Variants in RALGPS1 observed in about 807,000 individuals in gnomAD.
The protein encoded by RALGPS1 is ras-specific guanine nucleotide-releasing factor RalGPS1.
Under a neutral mutation model 78.8 loss-of-function variants are expected in RALGPS1, and 19 were observed. The observed-to-expected ratio is 0.24, with a 90% CI of 0.17 to 0.35. The LOEUF (loss-of-function observed/expected upper bound fraction) is 0.35, where lower values mean the gene tolerates loss of function less well. Ranked by LOEUF, RALGPS1 falls within the 10% of genes least tolerant of loss-of-function variation. The pLI, the probability that RALGPS1 is intolerant of heterozygous loss-of-function variation, is 1.00. For missense variants in RALGPS1, 454 were observed against 688.3 expected, an observed-to-expected ratio of 0.66 and a Z score of 3.81; for synonymous variants, 228 against 256.3, an observed-to-expected ratio of 0.89 and a Z score of 1.06.
At chr9:126,993,951 AC>A (rs371151443) in intron 4 of RALGPS1, among the ~76,000 whole-genome samples, 78 of 152,324 alleles carry the variant, frequency 5.1e-4, no homozygotes, top group Middle Eastern at 3.4e-3. Flanking sequence ...ACTCCGACAG[AC>A]CTGCAGCTGA....
intron 1 of RALGPS1, among the ~76,000 whole-genome samples, chr9:126,939,686 C>G (rs1404739070): frequency 6.6e-6 from 1 of 152,214 alleles, no homozygotes; most frequent in Non-Finnish European, 1.5e-5. Context: ...GTTGGACTTC[C>G]AAGTCCTGTC....
intron 8 of RALGPS1, among the ~76,000 whole-genome samples, chr9:127,094,269 A>G (rs2052849027): frequency 6.6e-6 from 1 of 152,116 alleles, no homozygotes; most frequent in African/African-American, 2.4e-5. Flanking sequence ...GATTACTGAG[A>G]TCATTTGGGG....
chr9:126,998,172 G>C (rs1019022880), intron 4 of RALGPS1, among the ~76,000 whole-genome samples: 3 of 152,124 alleles, frequency 2.0e-5, no homozygotes, highest in Non-Finnish European at 4.4e-5. Context: ...TGACAAATGG[G>C]ATCTAATTAA....
chr9:127,183,969 G>C lies in RALGPS1; in HGVS notation c.910+9187G>C, dbSNP rs1251335570. 6.5e-7 allele frequency: 1 copy of C among 1,550,300 alleles called. No individual in the cohort carries two copies. The highest frequency in any genetic ancestry group is 1.2e-5 in the South Asian group (1 of 84,040). Reference sequence around the variant, plus strand: ...GCCTGGATGTGGCCCAGCTCCTCACGAGTACCAGCGGCTCCCCCAGCATCT... The same window carrying C: ...GCCTGGATGTGGCCCAGCTCCTCACCAGTACCAGCGGCTCCCCCAGCATCT... On this transcript the variant is annotated intron_variant, in intron 11 of 18. Coordinates refer to ENST00000259351, the MANE Select transcript of RALGPS1 (RefSeq NM_014636.3). The surrounding 1 kb of genome is among the most constrained non-coding windows in gnomAD (Gnocchi z 4.0).
intron 8 of RALGPS1, among the ~76,000 whole-genome samples, chr9:127,149,521 T>C (rs1275371332): frequency 6.6e-6 from 1 of 152,032 alleles, no homozygotes; most frequent in Non-Finnish European, 1.5e-5. Flanking sequence ...CTAAGTCCTG[T>C]TCTGGTCTGG....
intron 8 of RALGPS1, among the ~76,000 whole-genome samples, chr9:127,086,893 G>A (rs2051816215): frequency 6.6e-6 from 1 of 152,202 alleles, no homozygotes; most frequent in Non-Finnish European, 1.5e-5. Flanking sequence ...AGTAGTTGAA[G>A]GGAGAGGAGA....
rs1389750323 is a variant in RALGPS1, at chr9:126,977,727, T to C, written c.198T>C (p.Phe66=). The change falls in exon 4 of 19, where the codon TTT becomes TTC. Residue 66 remains phenylalanine (F), a synonymous_variant. Coordinates refer to ENST00000259351, the MANE Select transcript of RALGPS1 (RefSeq NM_014636.3). ...SQITLMDIPV[F]KAIQPEELAS... The stretch of plus-strand genomic sequence containing the variant: ...TTACATTAATGGATATACCTGTGTT[T>C]AAAGCTATCCAGCCGGAGGTCTGTA... 2.5e-6 allele frequency: 4 copies of C among 1,603,690 alleles called. No homozygotes were observed. The South Asian group carries it at 4.5e-5, about 18-fold the overall frequency.
chr9:127,175,119 G>A (rs891595537), intron 11 of RALGPS1, among the ~76,000 whole-genome samples: 27 of 152,324 alleles, frequency 1.8e-4, no homozygotes, highest in Middle Eastern at 3.4e-3. Context: ...GACCCTTAGC[G>A]GGGCTGCTGC....
chr9:126,966,151 A>G (rs1010147521), intron 3 of RALGPS1, among the ~76,000 whole-genome samples, 200 bp downstream of exon 3: 29 of 152,218 alleles, frequency 1.9e-4, no homozygotes, highest in Non-Finnish European at 1.9e-4. Context: ...CTACCCTGGA[A>G]GGCTGTACGC....
intron 4 of RALGPS1, among the ~76,000 whole-genome samples, chr9:126,994,074 G>A (rs145298225): frequency 6.2e-4 from 94 of 151,904 alleles, no homozygotes; most frequent in African/African-American, 2.0e-3. Flanking sequence ...CCACAAAGAT[G>A]GGAAAAAAAA....
chr9:127,092,900 A>G (rs943354665), intron 8 of RALGPS1, among the ~76,000 whole-genome samples: 1 of 152,184 alleles, frequency 6.6e-6, no homozygotes, highest in African/African-American at 2.4e-5. Context: ...TGTGCAAGGC[A>G]TCATGGCTTC....
intron 4 of RALGPS1, among the ~76,000 whole-genome samples, chr9:127,023,105 A>T (rs1481393838): frequency 6.6e-6 from 1 of 151,990 alleles, no homozygotes; most frequent in Non-Finnish European, 1.5e-5. Context: ...AAACACCATC[A>T]TCATCATCAT....
chr9:127,070,707 T>C (rs2050122571), intron 8 of RALGPS1, among the ~76,000 whole-genome samples: 1 of 152,170 alleles, frequency 6.6e-6, no homozygotes. Flanking sequence ...TTTGATCTTT[T>C]ATGATCTAAA....
intron 8 of RALGPS1, among the ~76,000 whole-genome samples, chr9:127,110,524 A>G (rs1331124974): frequency 1.3e-5 from 2 of 152,132 alleles, no homozygotes; most frequent in Non-Finnish European, 2.9e-5. Context: ...TTACATCCGC[A>G]TTTATTTCTG....
chr9:126,931,554 G>A (rs995792766), intron 1 of RALGPS1, among the ~76,000 whole-genome samples: 18 of 152,158 alleles, frequency 1.2e-4, no homozygotes, highest in Non-Finnish European at 1.0e-4. Context: ...TGTATGAAAC[G>A]TGTAGAAGAG....
rs899076022 is a variant in RALGPS1, at chr9:126,990,082, C to T, written c.216+12337C>T. ...CCAGAAAGCCGAGGTCAATGTTGGA[C>T]GTCGGACAAACCCTGTGTGTCTTTG... On this transcript the variant is annotated intron_variant, in intron 4 of 18. Transcript: ENST00000259351. 7.0e-5 allele frequency: 103 copies of T among 1,481,330 alleles called. 1 individual carries two copies. Among genetic ancestry groups the T allele is most frequent in the African/African-American group, 5.9e-4 (42 of 71,720 alleles). 91.8% of individuals were successfully genotyped at this position (1,481,330 alleles called of 1,614,324 possible).
chr9:126,921,778 A>G (rs1436115049), intron 1 of RALGPS1, among the ~76,000 whole-genome samples: 1 of 152,224 alleles, frequency 6.6e-6, no homozygotes, highest in East Asian at 1.9e-4. Context: ...TGGTTCGTAC[A>G]GGGTTTCAGG....
In RALGPS1 at chr9:127,211,885, A is replaced by G. The variant is rs1209320022; in HGVS notation, c.1248-246A>G. On this transcript the variant is annotated intron_variant, in intron 14 of 18. Coordinates refer to ENST00000259351, the MANE Select transcript of RALGPS1 (RefSeq NM_014636.3). The surrounding 1 kb of genome is among the most constrained non-coding windows in gnomAD (Gnocchi z 5.0). ...GGGGGTGCTGATCAGGGCCTGGGTT[A>G]TGAGGAACTTGGTCACCAAGCCTGG... 6.6e-6 allele frequency among the ~76,000 whole-genome samples: 1 copy of G among 152,158 alleles called. No homozygotes were observed. The highest frequency in any genetic ancestry group is 1.5e-5 in the Non-Finnish European group (1 of 68,020).
At chr9:127,102,578 C>T (rs1208372656) in intron 8 of RALGPS1, among the ~76,000 whole-genome samples, 1 of 152,134 alleles carries the variant, frequency 6.6e-6, no homozygotes, top group Non-Finnish European at 1.5e-5. Flanking sequence ...ACTGTAAATA[C>T]CCTGAGCATT....
Sources: gnomAD v4.1 joint callset for allele counts (sites outside exome capture counted in the v4.1 genomes callset) on GRCh38, gnomAD v4.1.1 for gene constraint, Gnocchi (gnomAD v3.1) non-coding constraint, MANE v1.5 for transcripts, NCBI Gene and HGNC (gene_info 2026-07-23, HGNC 2026-07-21) for gene names.